REDIC1: variants seen among roughly 807,000 people sequenced by gnomAD.
REDIC1 encodes regulator of DNA class I crossover intermediates 1, also known as HEI10 Interacting Protein 1.
At chr12:39,840,714 C>T in the REDIC1 span, among the ~76,000 whole-genome samples, 1 of 152,006 alleles carries the variant, frequency 6.6e-6, no homozygotes, top group Non-Finnish European at 1.5e-5. Context: ...TCACAAAACG[C>T]TCATATTATT....
chr12:39,764,467 T>C, the REDIC1 span: 7 of 1,580,766 alleles, frequency 4.4e-6, no homozygotes, highest in South Asian at 5.9e-5. Flanking sequence ...TACCATAGTA[T>C]GTAAGATACT....
At chr12:39,809,369 T>C in the REDIC1 span, among the ~76,000 whole-genome samples, 1 of 152,218 alleles carries the variant, frequency 6.6e-6, no homozygotes. Context: ...AGGAATGTTT[T>C]GGCCATTCCA....
At chr12:39,734,054 T>A in the REDIC1 span, among the ~76,000 whole-genome samples, 5 of 152,186 alleles carry the variant, frequency 3.3e-5, no homozygotes, top group Non-Finnish European at 5.9e-5. Context: ...CCTGAGGGAA[T>A]CTCCTGGTTT....
chr12:39,690,149 C>T, the REDIC1 span, among the ~76,000 whole-genome samples: 1 of 152,090 alleles, frequency 6.6e-6, no homozygotes, highest in East Asian at 1.9e-4. Flanking sequence ...GTTGCACCTG[C>T]CCACAGGTTA....
chr12:39,667,812 A>G, the REDIC1 span, among the ~76,000 whole-genome samples: 1 of 152,120 alleles, frequency 6.6e-6, no homozygotes, highest in African/African-American at 2.4e-5. Context: ...TTCCTTTACC[A>G]TTATGTAATG....
the REDIC1 span, among the ~76,000 whole-genome samples, chr12:39,879,689 A>T: frequency 6.6e-6 from 1 of 152,026 alleles, no homozygotes; most frequent in African/African-American, 2.4e-5. Flanking sequence ...AACTAACTTG[A>T]TTTTTATTTT....
the REDIC1 span, among the ~76,000 whole-genome samples, chr12:39,706,745 A>T: frequency 6.6e-6 from 1 of 152,078 alleles, no homozygotes; most frequent in African/African-American, 2.4e-5. Flanking sequence ...TGCCAAGAAC[A>T]TGCACTGGGA....
chr12:39,838,872 A>G, the REDIC1 span, among the ~76,000 whole-genome samples: 2 of 152,114 alleles, frequency 1.3e-5, no homozygotes, highest in Middle Eastern at 3.4e-3. Flanking sequence ...GTCTCATTAA[A>G]CTCAATGAGA....
At chr12:39,872,480 T>C in the REDIC1 span, among the ~76,000 whole-genome samples, 1 of 152,140 alleles carries the variant, frequency 6.6e-6, no homozygotes, top group Non-Finnish European at 1.5e-5. Flanking sequence ...TCTAGCATTG[T>C]GTAAAAAGAT....
At chr12:39,871,757 G>A in the REDIC1 span, 1 of 1,546,538 alleles carries the variant, frequency 6.5e-7, no homozygotes. Flanking sequence ...AAGTTATTAG[G>A]AAATAAAGTT....
At chr12:39,703,995 C>T in the REDIC1 span, among the ~76,000 whole-genome samples, 4 of 152,180 alleles carry the variant, frequency 2.6e-5, no homozygotes, top group African/African-American at 9.7e-5. Flanking sequence ...CTAGGCATTA[C>T]CATTCAGGAC....
the REDIC1 span, among the ~76,000 whole-genome samples, chr12:39,690,385 G>A: frequency 1.1e-4 from 17 of 152,030 alleles, no homozygotes; most frequent in Admixed American, 1.1e-3. Context: ...TGTTAACATG[G>A]GAACGTATTC....
At chr12:39,728,666 G>C in the REDIC1 span, among the ~76,000 whole-genome samples, 1 of 151,884 alleles carries the variant, frequency 6.6e-6, no homozygotes, top group African/African-American at 2.4e-5. Context: ...CTCATAAAAT[G>C]AGTTAGTGAA....
the REDIC1 span, among the ~76,000 whole-genome samples, chr12:39,900,426 T>C: frequency 6.6e-6 from 1 of 152,138 alleles, no homozygotes; most frequent in Non-Finnish European, 1.5e-5. Flanking sequence ...CATGATCGTA[T>C]ATCTAGAAAA....
the REDIC1 span, among the ~76,000 whole-genome samples, chr12:39,707,509 A>G: frequency 6.6e-6 from 1 of 151,926 alleles, no homozygotes; most frequent in African/African-American, 2.4e-5. Context: ...ACTGCTGGAT[A>G]TATACCCAAA....
At chr12:39,670,094 C>T in the REDIC1 span, among the ~76,000 whole-genome samples, 29 of 152,158 alleles carry the variant, frequency 1.9e-4, no homozygotes, top group East Asian at 5.8e-4. Flanking sequence ...GAGATGAACC[C>T]GGTACCTCAG....
the REDIC1 span, among the ~76,000 whole-genome samples, chr12:39,763,626 T>C: frequency 2.6e-5 from 4 of 151,958 alleles, no homozygotes; most frequent in African/African-American, 9.7e-5. Context: ...GTAAAGAGAT[T>C]GCGGGGAGAT....
At chr12:39,647,988 A>C in the REDIC1 span, 1 of 1,473,690 alleles carries the variant, frequency 6.8e-7, no homozygotes, top group East Asian at 2.5e-5. Context: ...GTACCTTTGA[A>C]TCATTAGTTC....
chr12:39,877,884 G>T, the REDIC1 span, among the ~76,000 whole-genome samples: 126 of 152,326 alleles, frequency 8.3e-4, no homozygotes, highest in African/African-American at 2.7e-3. Context: ...CAGTGCTGAG[G>T]TAGGGCATGG....
Sources: gnomAD v4.1 joint callset for allele counts (sites outside exome capture counted in the v4.1 genomes callset) on GRCh38, gnomAD v4.1.1 for gene constraint, MANE v1.5 for transcripts, NCBI Gene and HGNC (gene_info 2026-07-23, HGNC 2026-07-21) for gene names.